The following SLC36A1 variants were observed in gnomAD, a reference collection of about 807,000 sequenced individuals.
SLC36A1 encodes solute carrier family 36 member 1.
A neutral mutation model predicts 47.5 loss-of-function variants in SLC36A1; 30 were observed. The ratio of observed to expected loss-of-function variants is 0.63; its 90% confidence interval spans 0.47 to 0.86. The LOEUF is 0.86. Among genes scored for constraint, SLC36A1 ranks in the 40% least tolerant of loss-of-function variants. The probability of loss-of-function intolerance (pLI) is 0.00; values close to 1 mark genes in which losing one functional copy is unlikely to be tolerated. For synonymous variants in SLC36A1, 255 were observed against 249.7 expected, an observed-to-expected ratio of 1.02 and a Z score of -0.20; for missense variants, 517 against 606.0, an observed-to-expected ratio of 0.85 and a Z score of 1.54.
chr5:151,512,795 T>C, the SLC36A1 span: 1 of 606,612 alleles, frequency 1.6e-6, no homozygotes, highest in Non-Finnish European at 2.9e-6. This position sits in a 1 kb window ranked among gnomAD's most constrained non-coding sequence, Gnocchi z 4.1. Context: ...TCTCCTTTGT[T>C]CTCACCACAC....
the SLC36A1 span, chr5:151,540,907 T>A: frequency 1.5e-6 from 1 of 686,332 alleles, no homozygotes; most frequent in Non-Finnish European, 2.3e-6. Flanking sequence ...CCCACGATTC[T>A]ACACTGAGTC....
upstream of SLC36A1, among the ~76,000 whole-genome samples, chr5:151,443,637 C>T (rs868023630): frequency 5.9e-5 from 9 of 152,274 alleles, no homozygotes; most frequent in South Asian, 1.5e-3. Context: ...TTGTTGATTA[C>T]TTCCTTTGCT....
At chr5:151,510,066 G>T in the SLC36A1 span, 4 of 1,614,152 alleles carry the variant, frequency 2.5e-6, no homozygotes, top group Admixed American at 3.3e-5. Flanking sequence ...AGCTCCTTTG[G>T]GGGAGAGGAT....
the SLC36A1 span, chr5:151,544,526 G>A: frequency 1.8e-4 from 287 of 1,614,076 alleles, no homozygotes; most frequent in African/African-American, 3.4e-3. Flanking sequence ...ATGAGCCGGA[G>A]TCCCTCTGGA....
the SLC36A1 span, chr5:151,537,879 G>A: frequency 3.1e-6 from 5 of 1,614,196 alleles, no homozygotes; most frequent in Middle Eastern, 3.3e-4. Flanking sequence ...GTCCAAGTCT[G>A]TGGCAGAAAC....
chr5:151,345,500 C>A, the SLC36A1 span, among the ~76,000 whole-genome samples: 1 of 152,130 alleles, frequency 6.6e-6, no homozygotes, highest in African/African-American at 2.4e-5. Flanking sequence ...AACCCTCTAG[C>A]TTCCTGAGTC....
intron 1 of SLC36A1, among the ~76,000 whole-genome samples, chr5:151,453,627 A>T (rs1034558728): frequency 6.6e-6 from 1 of 152,178 alleles, no homozygotes; most frequent in Non-Finnish European, 1.5e-5. Context: ...GAAATCATCT[A>T]ATGCAGTTTT....
At chr5:151,390,123 C>G in the SLC36A1 span, among the ~76,000 whole-genome samples, 4 of 152,276 alleles carry the variant, frequency 2.6e-5, no homozygotes, top group East Asian at 1.9e-4. Flanking sequence ...GAGATGGTAT[C>G]TCATTGTGGT....
At chr5:151,494,238 T>C (rs1760277186), downstream of SLC36A1, among the ~76,000 whole-genome samples, 1 of 152,204 alleles carries the variant, frequency 6.6e-6, no homozygotes, top group African/African-American at 2.4e-5. Context: ...TGAGGAACTA[T>C]GTGTGTCTTT....
At chr5:151,397,985 G>T in the SLC36A1 span, among the ~76,000 whole-genome samples, 1 of 151,978 alleles carries the variant, frequency 6.6e-6, no homozygotes, top group Non-Finnish European at 1.5e-5. Context: ...AAGCATGGTG[G>T]CATGTGCCTG....
chr5:151,553,424 C>A, the SLC36A1 span: 1 of 1,591,572 alleles, frequency 6.3e-7, no homozygotes, highest in Non-Finnish European at 8.6e-7. Context: ...AGGTTTGGGG[C>A]CAAGAGACAG....
rs193005519 is a variant in SLC36A1, at chr5:151,489,385, C to T, written c.*1131C>T. ...GGGACGACACCAGCTCTATTGCCACCGATGAGTAGCTGAGGTCAGTGTGCA... is the reference window on the plus strand; with the variant it reads ...GGGACGACACCAGCTCTATTGCCACTGATGAGTAGCTGAGGTCAGTGTGCA... On this transcript the variant is annotated 3_prime_UTR_variant, in exon 11 of 11. Transcript: ENST00000243389. The surrounding 1 kb of genome is among the most constrained non-coding windows in gnomAD (Gnocchi z 4.5). 2 of 152,710 alleles carry T rather than the reference C, an allele frequency of 1.3e-5. No individual in the cohort carries two copies. Among genetic ancestry groups the T allele is most frequent in the Admixed American group, 6.5e-5 (1 of 15,294 alleles). 9.5% of individuals were successfully genotyped at this position (152,710 alleles called of 1,614,324 possible).
the SLC36A1 span, chr5:151,534,452 C>T: frequency 1.2e-6 from 2 of 1,613,700 alleles, no homozygotes; most frequent in South Asian, 1.1e-5. Context: ...CAGGGGTCTT[C>T]ACTGTGGTGT....
the SLC36A1 span, among the ~76,000 whole-genome samples, chr5:151,555,353 C>CTAATAAT: frequency 6.7e-6 from 1 of 149,870 alleles, no homozygotes; most frequent in Non-Finnish European, 1.5e-5. Flanking sequence ...CTACTTCTTA[C>CTAATAAT]TAATAATATA....
chr5:151,418,634 G>A, the SLC36A1 span, among the ~76,000 whole-genome samples: 25,532 of 152,122 alleles, frequency 0.17, 2,388 homozygotes, highest in East Asian at 0.38. Flanking sequence ...CCACCATTGT[G>A]TCTAGGAAGT....
chr5:151,407,933 A>G, the SLC36A1 span, among the ~76,000 whole-genome samples: 6 of 152,244 alleles, frequency 3.9e-5, no homozygotes, highest in Non-Finnish European at 7.3e-5. Flanking sequence ...AGATAATATA[A>G]GCAGTGAACA....
At chr5:151,397,523 A>G in the SLC36A1 span, among the ~76,000 whole-genome samples, 1 of 152,194 alleles carries the variant, frequency 6.6e-6, no homozygotes, top group Non-Finnish European at 1.5e-5. Flanking sequence ...GCAGTGGCTC[A>G]TGCCTGTAAT....
chr5:151,447,868 G>T (rs1227473380), intron 1 of SLC36A1, 55 bp downstream of exon 1: 1 of 152,342 alleles, frequency 6.6e-6, no homozygotes, highest in East Asian at 1.9e-4. Flanking sequence ...GCGTCCCCGG[G>T]CCGCAGCTGC....
upstream of SLC36A1, among the ~76,000 whole-genome samples, chr5:151,432,465 C>T (rs191466312): frequency 6.6e-6 from 1 of 152,162 alleles, no homozygotes; most frequent in Non-Finnish European, 1.5e-5. Flanking sequence ...CCTCACCCCC[C>T]TCATATTCAC....
Sources: gnomAD v4.1 joint callset for allele counts (sites outside exome capture counted in the v4.1 genomes callset) on GRCh38, gnomAD v4.1.1 for gene constraint, Gnocchi (gnomAD v3.1) non-coding constraint, MANE v1.5 for transcripts, NCBI Gene and HGNC (gene_info 2026-07-23, HGNC 2026-07-21) for gene names.